The following TAFA1 variants were observed in gnomAD, a reference collection of about 807,000 sequenced individuals.
The protein encoded by TAFA1 is chemokine-like protein TAFA-1.
Under a neutral mutation model 18.5 loss-of-function variants are expected in TAFA1, and 4 were observed. The observed-to-expected ratio is 0.22, with a 90% CI of 0.11 to 0.49. The LOEUF (loss-of-function observed/expected upper bound fraction) is 0.49, where lower values mean the gene tolerates loss of function less well. Ranked by LOEUF, TAFA1 falls within the 20% of genes least tolerant of loss-of-function variation. TAFA1 has a pLI of 0.98. For synonymous variants in TAFA1, 56 were observed against 55.2 expected, an observed-to-expected ratio of 1.01 and a Z score of -0.06; for missense variants, 147 against 169.0, an observed-to-expected ratio of 0.87 and a Z score of 0.72.
chr3:68,501,248 T>C (rs1040655014), intron 3 of TAFA1, among the ~76,000 whole-genome samples: 10 of 151,676 alleles, frequency 6.6e-5, no homozygotes, highest in African/African-American at 2.4e-4. Flanking sequence ...CTCTTAATTC[T>C]CTCATCTTTT....
chr3:68,062,680 G>A (rs950928254), intron 2 of TAFA1, among the ~76,000 whole-genome samples: 1 of 152,168 alleles, frequency 6.6e-6, no homozygotes, highest in African/African-American at 2.4e-5. Flanking sequence ...CATCAAGAGT[G>A]GAGACAAATA....
chr3:68,294,200 G>A (rs758945644), intron 2 of TAFA1, among the ~76,000 whole-genome samples: 2 of 152,102 alleles, frequency 1.3e-5, no homozygotes, highest in Non-Finnish European at 2.9e-5. Context: ...GGAATCGAAA[G>A]GACAGTGTAA....
chr3:68,170,718 C>G (rs2066041840), intron 2 of TAFA1, among the ~76,000 whole-genome samples: 1 of 152,116 alleles, frequency 6.6e-6, no homozygotes, highest in Non-Finnish European at 1.5e-5. Flanking sequence ...GAGGCATGCT[C>G]ATAAACACAC....
chr3:68,040,936 G>A (rs1038952194), intron 2 of TAFA1, among the ~76,000 whole-genome samples: 4 of 152,038 alleles, frequency 2.6e-5, no homozygotes, highest in African/African-American at 4.8e-5. Flanking sequence ...CACATACATC[G>A]CCAATGAAGA....
chr3:68,131,898 A>G (rs1283615445), intron 2 of TAFA1, among the ~76,000 whole-genome samples: 1 of 150,754 alleles, frequency 6.6e-6, no homozygotes, highest in Non-Finnish European at 1.5e-5. Context: ...TTTTTTTATT[A>G]TTATGCTTTA....
chr3:68,480,502 T>C (rs2106654555), intron 3 of TAFA1, among the ~76,000 whole-genome samples: 1 of 152,336 alleles, frequency 6.6e-6, no homozygotes, highest in East Asian at 1.9e-4. Flanking sequence ...ATCTCTGTTA[T>C]AACAGTGTCT....
intron 3 of TAFA1, among the ~76,000 whole-genome samples, chr3:68,528,324 T>A (rs1278898604): frequency 6.6e-6 from 1 of 152,194 alleles, no homozygotes. Context: ...AGTCATACTA[T>A]TACAAAGTGG....
intron 3 of TAFA1, among the ~76,000 whole-genome samples, chr3:68,501,352 C>T (rs1261354922): frequency 6.6e-6 from 1 of 151,900 alleles, no homozygotes; most frequent in African/African-American, 2.4e-5. Flanking sequence ...CGAGGCTTGA[C>T]AGAATTTGTC....
intron 2 of TAFA1, among the ~76,000 whole-genome samples, chr3:68,022,537 A>C (rs918150550): frequency 6.6e-6 from 1 of 152,064 alleles, no homozygotes; most frequent in South Asian, 2.1e-4. Flanking sequence ...TAGTGCTTCA[A>C]ATATCACCTG....
intron 3 of TAFA1, among the ~76,000 whole-genome samples, chr3:68,503,775 A>G (rs114567508): frequency 5.3e-5 from 8 of 152,132 alleles, no homozygotes; most frequent in Admixed American, 5.2e-4. Context: ...TCTCCAGGAA[A>G]GGGCATCATT....
chr3:68,316,800 T>TA (rs1335477724), intron 2 of TAFA1, among the ~76,000 whole-genome samples: 1 of 152,226 alleles, frequency 6.6e-6, no homozygotes, highest in East Asian at 1.9e-4. Context: ...AACTGTGTGT[T>TA]AATATTTGAA....
At chr3:68,197,535 T>G (rs1559555353) in intron 2 of TAFA1, among the ~76,000 whole-genome samples, 1 of 151,494 alleles carries the variant, frequency 6.6e-6, no homozygotes, top group East Asian at 2.0e-4. Flanking sequence ...TCCATATCAG[T>G]GGCAACATCT....
At chr3:68,068,867 C>T (rs75275481) in intron 2 of TAFA1, among the ~76,000 whole-genome samples, 199 of 152,222 alleles carry the variant, frequency 1.3e-3, no homozygotes, top group Middle Eastern at 3.4e-3. Context: ...TGAGAATTTG[C>T]GGACTAAGTC....
chr3:68,354,678 A>G (rs1478324312), intron 2 of TAFA1, among the ~76,000 whole-genome samples: 2 of 152,056 alleles, frequency 1.3e-5, no homozygotes, highest in Non-Finnish European at 2.9e-5. Context: ...TATTTCTCAC[A>G]GTACTGGAGG....
At chr3:68,454,961 T>TC (rs1306521991) in intron 3 of TAFA1, among the ~76,000 whole-genome samples, 4 of 152,020 alleles carry the variant, frequency 2.6e-5, no homozygotes, top group Admixed American at 6.6e-5. Context: ...AACTTTTGAC[T>TC]CCCCCAAAAC....
chr3:68,334,951 T>C (rs2068945451), intron 2 of TAFA1, among the ~76,000 whole-genome samples: 1 of 152,180 alleles, frequency 6.6e-6, no homozygotes, highest in African/African-American at 2.4e-5. Context: ...CACGAGAGCA[T>C]ACCTAACTTC....
At chr3:68,403,815 G>A (rs1389724605) in intron 2 of TAFA1, among the ~76,000 whole-genome samples, 1 of 152,172 alleles carries the variant, frequency 6.6e-6, no homozygotes, top group Non-Finnish European at 1.5e-5. Flanking sequence ...GAGAGCCCTG[G>A]AAGGTCTTGC....
intron 2 of TAFA1, among the ~76,000 whole-genome samples, chr3:68,384,814 G>A (rs140564900): frequency 6.7e-6 from 1 of 149,972 alleles, no homozygotes; most frequent in Non-Finnish European, 1.5e-5. Context: ...CTCTTCTAAG[G>A]TGTTCAAGAA....
At chr3:68,539,168 T>C (rs774796074) in intron 4 of TAFA1, among the ~76,000 whole-genome samples, 14 of 152,202 alleles carry the variant, frequency 9.2e-5, no homozygotes, top group Non-Finnish European at 1.6e-4. Flanking sequence ...GGATAATTCA[T>C]CCAACATTTA....
Sources: gnomAD v4.1 joint callset for allele counts (sites outside exome capture counted in the v4.1 genomes callset) on GRCh38, gnomAD v4.1.1 for gene constraint, MANE v1.5 for transcripts, NCBI Gene and HGNC (gene_info 2026-07-23, HGNC 2026-07-21) for gene names.